Variants in UVSSA observed in about 807,000 individuals in gnomAD.
UVSSA encodes the protein UV-stimulated scaffold protein A.
UVSSA carries 72 observed loss-of-function variants against 73.9 expected under a neutral mutation model. The ratio of observed to expected loss-of-function variants is 0.97; its 90% CI spans 0.81 to 1.19. The LOEUF is 1.19. Among genes scored for constraint, UVSSA ranks in the 50% most tolerant of loss-of-function variants. The pLI, the probability that UVSSA is intolerant of heterozygous loss-of-function variation, is 0.00. For synonymous variants in UVSSA, 454 were observed against 391.3 expected (o/e 1.16, Z -1.89); for missense variants, 1,150 against 965.0 (o/e 1.19, Z -2.54).
Position 1,353,069 on chromosome 4 carries a change from A to G in UVSSA, c.590A>G (p.Glu197Gly). The G allele has an allele frequency of 6.2e-7, 1 of 1,612,806 alleles. No homozygotes were observed. The highest frequency in any genetic ancestry group is 8.5e-7 in the Non-Finnish European group (1 of 1,179,892). ...ATTGAATCCTGCTTGACGGAGGTAGAGAGCTGCTTTAGGCTGCTGGTGCCT... is the reference window on the plus strand; with the variant it reads ...ATTGAATCCTGCTTGACGGAGGTAGGGAGCTGCTTTAGGCTGCTGGTGCCT... ...GEIESCLTEV[E>G]SCFRLLVPFD... is the part of the protein sequence containing the mutation. Residue 197 changes from glutamate to glycine, a missense_variant, in exon 5 of 14, where the codon GAG becomes GGG. Physicochemically the swap from Glu to Gly is moderately conservative, Grantham distance 98. Coordinates refer to ENST00000389851, the MANE Select transcript of UVSSA (RefSeq NM_020894.4).
chr4:1,347,989 G>A, intron 1 of UVSSA, 101 bp from the exon 2 acceptor site: 2 of 977,668 alleles, frequency 2.0e-6, no homozygotes, highest in East Asian at 2.4e-5. Context: ...GGGTCCTCCC[G>A]GAGCTTTCGG....
At chr4:1,374,872 C>T (rs1016403461) in intron 8 of UVSSA, 1 of 162,386 alleles carries the variant, frequency 6.2e-6, no homozygotes, top group Non-Finnish European at 1.3e-5. Flanking sequence ...AGCTGTGCGT[C>T]TCTTCTCCTT....
chr4:1,347,567 C>T lies in UVSSA; in HGVS notation c.-196C>T, dbSNP rs1272673715. The stretch of plus-strand genomic sequence containing the variant: ...TGGCGCTTCCTTCCGGGTCCTTCGG[C>T]CTTTCCCTGGCGGTGCGGCAGGCCC... On this transcript the variant is annotated 5_prime_UTR_variant, in exon 1 of 14. Transcript: ENST00000389851. 6.5e-6 allele frequency: 1 copy of T among 152,686 alleles called. No individual in the cohort carries two copies. The highest frequency in any genetic ancestry group is 2.4e-5 in the African/African-American group (1 of 41,476). 9.5% of individuals were successfully genotyped at this position (152,686 alleles called of 1,614,324 possible). A position where few individuals can be genotyped will look rare whatever the true frequency, so the allele number is the denominator to read the frequency against.
At chr4:1,375,308 A>G (rs1296808036) in intron 8 of UVSSA, 56 bp from the exon 9 acceptor site, 1 of 1,603,484 alleles carries the variant, frequency 6.2e-7, no homozygotes, top group Non-Finnish European at 8.5e-7. Flanking sequence ...GTCTTGCCTG[A>G]TGTGCCTGGC....
chr4:1,359,039 A>AC (rs1261354030), intron 7 of UVSSA: 11 of 152,214 alleles, frequency 7.2e-5, no homozygotes, highest in Non-Finnish European at 1.6e-4. Context: ...GGGAGCAGAC[A>AC]CCGTGTCTTT....
intron 10 of UVSSA, among the ~76,000 whole-genome samples, chr4:1,378,667 G>A (rs1719066614): frequency 1.3e-5 from 2 of 152,232 alleles, no homozygotes; most frequent in African/African-American, 4.8e-5. Context: ...GCTCCTGAGT[G>A]TTCTCACTGC....
chr4:1,385,009 G>T (rs1719925561), intron 13 of UVSSA: 1 of 152,312 alleles, frequency 6.6e-6, no homozygotes, highest in Non-Finnish European at 1.5e-5. Flanking sequence ...TTAGCCCTTG[G>T]AGCTCAGGGT....
chr4:1,343,545 A>T (rs1006538714), upstream of UVSSA, among the ~76,000 whole-genome samples: 4 of 152,098 alleles, frequency 2.6e-5, no homozygotes, highest in African/African-American at 9.7e-5. Context: ...CATCTAAGGT[A>T]TTGCCACCTC....
At chr4:1,342,524 ATTCT>A (rs932449328), upstream of UVSSA, among the ~76,000 whole-genome samples, 7 of 152,098 alleles carry the variant, frequency 4.6e-5, no homozygotes, top group East Asian at 3.8e-4. Context: ...AGTTCAATTT[ATTCT>A]TTCTTTTGTG....
At chr4:1,359,448 G>T (rs1159603168) in intron 7 of UVSSA, 1 of 152,180 alleles carries the variant, frequency 6.6e-6, no homozygotes, top group Admixed American at 6.5e-5. Flanking sequence ...AAATTACATA[G>T]CTCAAATCAC....
At chr4:1,378,797 C>T (rs763364898) in intron 10 of UVSSA, among the ~76,000 whole-genome samples, 10 of 152,224 alleles carry the variant, frequency 6.6e-5, no homozygotes, top group South Asian at 6.2e-4. Flanking sequence ...TCGGGGGAGC[C>T]GCATGTACCT....
intron 8 of UVSSA, among the ~76,000 whole-genome samples, chr4:1,369,456 T>C (rs1442944481): frequency 1.3e-5 from 2 of 152,242 alleles, no homozygotes; most frequent in Admixed American, 1.3e-4. Flanking sequence ...GCCGCTGTTT[T>C]TTCAATTAAA....
At chr4:1,390,248 G>A (rs1268287478), downstream of UVSSA, 1 of 152,076 alleles carries the variant, frequency 6.6e-6, no homozygotes, top group Non-Finnish European at 1.5e-5. Flanking sequence ...AGAGTTTGTT[G>A]TTTAATTTCC....
chr4:1,355,503 C>A (rs1243515820), intron 7 of UVSSA, among the ~76,000 whole-genome samples: 1 of 152,216 alleles, frequency 6.6e-6, no homozygotes, highest in South Asian at 2.1e-4. Flanking sequence ...GTGCTGAGTG[C>A]TGTGCGCGCC....
chr4:1,366,522 C>T (rs970081695), intron 8 of UVSSA, 91 bp downstream of exon 8: 13 of 910,100 alleles, frequency 1.4e-5, no homozygotes, highest in Non-Finnish European at 1.7e-6. Context: ...AGGGGCAGGG[C>T]CTGGAGCCCA....
At chr4:1,350,521 C>T (rs1714544017) in intron 3 of UVSSA, among the ~76,000 whole-genome samples, 3 of 152,238 alleles carry the variant, frequency 2.0e-5, no homozygotes, top group Admixed American at 6.5e-5. Context: ...GCACACTGCT[C>T]TCCTACCTGT....
downstream of UVSSA, chr4:1,391,453 T>C (rs560370044): frequency 2.0e-5 from 3 of 152,390 alleles, no homozygotes; most frequent in East Asian, 5.8e-4. Context: ...TGTCAGCTTT[T>C]GTTTCATAAA....
chr4:1,383,712 A>G, intron 12 of UVSSA, 54 bp from the exon 13 acceptor site: 1 of 1,604,906 alleles, frequency 6.2e-7, no homozygotes, highest in Non-Finnish European at 8.5e-7. Context: ...GCCTCGGGTA[A>G]GAGGCTCTGG....
chr4:1,344,911 C>T (rs1200388867), upstream of UVSSA, among the ~76,000 whole-genome samples: 2 of 152,182 alleles, frequency 1.3e-5, no homozygotes, highest in African/African-American at 4.8e-5. Flanking sequence ...CTGGCAGAAG[C>T]TTCCCGGCAG....
Sources: gnomAD v4.1 joint callset for allele counts (sites outside exome capture counted in the v4.1 genomes callset) on GRCh38, gnomAD v4.1.1 for gene constraint, MANE v1.5 for transcripts, NCBI Gene and HGNC (gene_info 2026-07-23, HGNC 2026-07-21) for gene names.